The following ACCS variants were observed in gnomAD, a reference collection of about 807,000 sequenced individuals.
ACCS encodes 1-aminocyclopropane-1-carboxylate synthase-like protein 1.
Under a neutral mutation model 59.8 loss-of-function variants are expected in ACCS, and 42 were observed. The observed-to-expected ratio is 0.70, with a 90% CI of 0.55 to 0.91. ACCS has a LOEUF of 0.91. Ranked by LOEUF, ACCS falls within the 40% of genes least tolerant of loss-of-function variation. ACCS has a pLI of 0.00. For synonymous variants in ACCS, 230 were observed against 240.3 expected (o/e 0.96, Z 0.40); for missense variants, 602 against 630.4 (o/e 0.95, Z 0.48).
chr11:44,083,767 A>G lies in ACCS; in HGVS notation c.1481A>G (p.Gln494Arg), dbSNP rs1405336656. 3.1e-6 allele frequency: 5 copies of G among 1,613,582 alleles called. No individual in the cohort carries two copies. The highest frequency in any genetic ancestry group is 4.2e-6 in the Non-Finnish European group (5 of 1,179,738). ...VAEDPRPSQS[Q>R]EPSDQRR ...GAAGACCCCCGTCCCTCTCAGAGCC[A>G]GGAGCCAAGTGACCAACGCAGGTGA... The change falls in exon 15 of 15, where the codon CAG (glutamine) becomes CGG (arginine). Residue 494 changes from glutamine to arginine, a missense_variant. By Grantham distance (43) the Gln-to-Arg change is conservative. Coordinates refer to ENST00000263776, the MANE Select transcript of ACCS (RefSeq NM_032592.4).
At chr11:44,080,901 AG>A in intron 10 of ACCS, 118 bp from the exon 11 acceptor site, 1 of 1,300,436 alleles carries the variant, frequency 7.7e-7, no homozygotes. Flanking sequence ...ACATGAAACC[AG>A]GGCTTGTCCT....
intron 2 of ACCS, among the ~76,000 whole-genome samples, chr11:44,070,708 C>A (rs1258972616): frequency 1.3e-5 from 2 of 152,112 alleles, no homozygotes; most frequent in Non-Finnish European, 2.9e-5. Context: ...GTTGCAGGGT[C>A]TCCTGGGGGA....
At position 44,083,315 on chromosome 11, in the gene ACCS, A is replaced by G; in HGVS notation, c.1254+4A>G. ...CATCTGGGTTGACTTGAGAAAGGTA[A>G]TGCTGGTGGAGGTGCGGGCTGAGAG... is the stretch of plus-strand genomic sequence containing the variant. On this transcript the variant is annotated splice_donor_region_variant and intron_variant, in intron 13 of 14. Coordinates refer to ENST00000263776, the MANE Select transcript of ACCS (RefSeq NM_032592.4). 6.2e-7 allele frequency: 1 copy of G among 1,613,936 alleles called. No individual in the cohort carries two copies. The highest frequency in any genetic ancestry group is 8.5e-7 in the Non-Finnish European group (1 of 1,179,886).
intron 10 of ACCS, among the ~76,000 whole-genome samples, chr11:44,079,972 T>C (rs1044830281): frequency 1.3e-5 from 2 of 151,744 alleles, no homozygotes; most frequent in African/African-American, 4.8e-5. Context: ...ACTCAGCACC[T>C]CTGGAGCCCC....
chr11:44,081,152 C>T (rs1953620389), intron 11 of ACCS, 27 bp from the exon 12 acceptor site: 1 of 1,614,126 alleles, frequency 6.2e-7, no homozygotes, highest in Non-Finnish European at 8.5e-7. Flanking sequence ...GAGGGCTGGC[C>T]ACCGCCTAGG....
intron 4 of ACCS, 101 bp downstream of exon 4, chr11:44,073,618 A>G: frequency 8.3e-7 from 1 of 1,209,082 alleles, no homozygotes; most frequent in Non-Finnish European, 1.2e-6. Flanking sequence ...TGCTCCTGGC[A>G]TTTAGTGTGT....
At chr11:44,079,431 C>T (rs891812226) in intron 9 of ACCS, 100 bp from the exon 10 acceptor site, 2 of 964,344 alleles carry the variant, frequency 2.1e-6, no homozygotes, top group Non-Finnish European at 3.2e-6. Flanking sequence ...CCGGGCTAGA[C>T]CCCGGCCCCT....
intron 10 of ACCS, 34 bp downstream of exon 10, chr11:44,079,654 C>T (rs771714096): frequency 1.3e-6 from 2 of 1,568,518 alleles, no homozygotes; most frequent in Admixed American, 3.7e-5. Flanking sequence ...CTCCCCCAGT[C>T]CCTATTATCC....
intron 7 of ACCS, 78 bp from the exon 8 acceptor site, chr11:44,077,767 A>G: frequency 1.9e-6 from 3 of 1,548,694 alleles, no homozygotes; most frequent in Non-Finnish European, 2.6e-6. Flanking sequence ...AGGGGAGGAG[A>G]GGCCTGAGAG....
chr11:44,074,601 C>T lies in ACCS; in HGVS notation c.420-11C>T. ...CATCTGGCAAGCACTGTCTTTTTGT[C>T]TTATCTTCAGCCTCCGGGAGGAAGT... is the stretch of plus-strand genomic sequence containing the variant. On this transcript the variant is annotated splice_polypyrimidine_tract_variant and intron_variant, in intron 4 of 14. Coordinates refer to ENST00000263776, the MANE Select transcript of ACCS (RefSeq NM_032592.4). 6.2e-7 allele frequency: 1 copy of T among 1,612,978 alleles called. No homozygotes were observed. The highest frequency in any genetic ancestry group is 8.5e-7 in the Non-Finnish European group (1 of 1,179,312).
intron 3 of ACCS, chr11:44,073,225 T>C: frequency 1.7e-6 from 1 of 578,808 alleles, no homozygotes; most frequent in Non-Finnish European, 3.1e-6. Flanking sequence ...GGTTTTTGTC[T>C]CAGCTCTGCC....
chr11:44,074,116 T>C (rs1038525604), intron 4 of ACCS, among the ~76,000 whole-genome samples: 2 of 152,164 alleles, frequency 1.3e-5, no homozygotes, highest in Admixed American at 6.5e-5. Flanking sequence ...GAGTGTGGAC[T>C]TTGCCTCTTA....
At position 44,083,676 on chromosome 11, in the gene ACCS, C is replaced by T; in HGVS notation, c.1409-19C>T. On this transcript the variant is annotated intron_variant, in intron 14 of 14. Transcript: ENST00000263776. ...ACGTGGCCATCAGTGCCAACTGGCC[C>T]CTCACTTCCCCTTCCCAGGGATGCA... The T allele has an allele frequency of 6.2e-7, 1 of 1,614,194 alleles. No individual in the cohort carries two copies. Among genetic ancestry groups the T allele is most frequent in the Non-Finnish European group, 8.5e-7 (1 of 1,180,038 alleles).
rs78225761 is a variant in ACCS at position 44,069,177 on chromosome 11, G to T, written c.288+1262G>T. Among the ~76,000 whole-genome samples, 1,375 of 152,190 alleles carry T rather than the reference G, an allele frequency of 9.0e-3. 17 individuals carry two copies. The highest frequency in any genetic ancestry group is 0.032 in the African/African-American group (1,320 of 41,528). On this transcript the variant is annotated intron_variant, in intron 2 of 14. Transcript: ENST00000263776. ...AACAATTCACAATTTTTGGAGTTCA[G>T]GAATCCTGGTGGATGCCTCAGGCTC...
chr11:44,081,360 G>A (rs1176267476), intron 12 of ACCS, 40 bp downstream of exon 12: 1 of 1,605,950 alleles, frequency 6.2e-7, no homozygotes, highest in Non-Finnish European at 8.5e-7. Flanking sequence ...TGGGAGGAGG[G>A]TTGGAGGCAG....
intron 12 of ACCS, 89 bp from the exon 13 acceptor site, chr11:44,083,080 G>C (rs1953711637): frequency 1.3e-6 from 2 of 1,538,266 alleles, no homozygotes; most frequent in Non-Finnish European, 1.8e-6. Context: ...CTGGCAGCTT[G>C]TGGCCTTTTT....
In ACCS at chr11:44,077,902, C is replaced by G; in HGVS notation, c.712C>G (p.Leu238Val). The stretch of plus-strand genomic sequence containing the variant: ...CACAGTGGAGAAGCTGGAGATGGCC[C>G]TGAGAGAAGCTCACTCTGAGGTCTG... The part of the protein sequence containing the change: ...QLTVEKLEMA[L>V]REAHSEGVKV... Residue 238 changes from leucine (L) to valine (V), a missense_variant, in exon 8 of 15, where the codon CTG becomes GTG. Transcript: ENST00000263776. The G allele has an allele frequency of 1.9e-6, 3 of 1,614,032 alleles. No homozygotes were observed. Among genetic ancestry groups the G allele is most frequent in the South Asian group, 2.2e-5 (2 of 91,054 alleles).
chr11:44,075,560 C>G lies in ACCS; in HGVS notation c.524C>G (p.Ser175Cys). 1.2e-6 allele frequency: 2 copies of G among 1,614,200 alleles called. No individual in the cohort carries two copies. Among genetic ancestry groups the G allele is most frequent in the Non-Finnish European group, 1.7e-6 (2 of 1,180,042 alleles). ...VVLNGGASLF[S>C]ALATVLCEAG... ...CTGAATGGTGGTGCCTCGCTCTTCT[C>G]TGCTCTGGCCACGGTGCTGTGTGAG... The change falls in exon 6 of 15, where the codon TCT becomes TGT. Residue 175 changes from serine to cysteine, a missense_variant. Ser to Cys is a moderately radical substitution (Grantham distance 112). Coordinates refer to ENST00000263776, the MANE Select transcript of ACCS (RefSeq NM_032592.4).
At chr11:44,083,068 T>A in intron 12 of ACCS, 101 bp from the exon 13 acceptor site, 1 of 1,487,490 alleles carries the variant, frequency 6.7e-7, no homozygotes, top group South Asian at 1.2e-5. Context: ...CTCAACAGCA[T>A]CCTGGCAGCT....
Sources: allele counts gnomAD v4.1 joint callset (sites outside exome capture counted in the v4.1 genomes callset), GRCh38; gene constraint gnomAD v4.1.1; transcripts MANE v1.5; gene names NCBI Gene and HGNC (gene_info 2026-07-23, HGNC 2026-07-21).